Variants in ATP11B observed in about 807,000 individuals in gnomAD.
The protein encoded by ATP11B is ATPase phospholipid transporting 11B (putative), also known as phospholipid-transporting ATPase IF.
Under a neutral mutation model 157.8 loss-of-function variants are expected in ATP11B, and 81 were observed. The observed-to-expected ratio is 0.51, with a 90% CI of 0.43 to 0.62. The LOEUF (loss-of-function observed/expected upper bound fraction) is 0.62, where lower values mean the gene tolerates loss of function less well. ATP11B is among the 20% of genes least tolerant of loss of function. The pLI, the probability that ATP11B is intolerant of heterozygous loss-of-function variation, is 0.00. For missense variants in ATP11B, 1,165 were observed against 1,402.2 expected (o/e 0.83, Z 2.70); for synonymous variants, 451 against 469.4 (o/e 0.96, Z 0.51).
intron 19 of ATP11B, among the ~76,000 whole-genome samples, chr3:182,877,480 A>G (rs890880779): frequency 2.0e-5 from 3 of 152,200 alleles, no homozygotes; most frequent in Admixed American, 6.5e-5. Context: ...CGTCTCTACA[A>G]ACAATACAAA....
chr3:182,863,663 G>A (rs1274650447), intron 12 of ATP11B, among the ~76,000 whole-genome samples: 1 of 151,756 alleles, frequency 6.6e-6, no homozygotes, highest in Non-Finnish European at 1.5e-5. Flanking sequence ...TTACAGTGAT[G>A]ACCTGTTTAT....
intron 29 of ATP11B, chr3:182,915,412 T>C: frequency 1.0e-6 from 1 of 985,414 alleles, no homozygotes; most frequent in Non-Finnish European, 1.2e-6. Flanking sequence ...AATTGTATTA[T>C]AAAATGTGGC....
At chr3:182,835,352 CTG>C (rs1424750545) in intron 4 of ATP11B, among the ~76,000 whole-genome samples, 1 of 152,100 alleles carries the variant, frequency 6.6e-6, no homozygotes, top group Non-Finnish European at 1.5e-5. Flanking sequence ...TACTTATTGT[CTG>C]TAATGCTCTG....
In ATP11B at chr3:182,920,278, A is replaced by G. The variant is rs1194713763; in HGVS notation, c.*2174A>G. The stretch of plus-strand genomic sequence containing the variant: ...GAACTTTATTTTTTTAAAAAAAGTA[A>G]ATGGCAACCACTAGTGTGCTCATCC... On this transcript the variant is annotated 3_prime_UTR_variant, in exon 30 of 30. Transcript: ENST00000323116. 1.3e-5 allele frequency: 2 copies of G among 152,236 alleles called. No individual in the cohort carries two copies. The highest frequency in any genetic ancestry group is 2.4e-5 in the African/African-American group (1 of 41,458). 9.4% of individuals were successfully genotyped at this position (152,236 alleles called of 1,614,324 possible). A position where few individuals can be genotyped will look rare whatever the true frequency, so the allele number is the denominator to read the frequency against.
chr3:182,815,078 T>C (rs924132140), intron 1 of ATP11B, among the ~76,000 whole-genome samples: 1 of 152,212 alleles, frequency 6.6e-6, no homozygotes, highest in Non-Finnish European at 1.5e-5. Flanking sequence ...TTGAGAATTT[T>C]TGAGTTATCT....
chr3:182,870,825 G>A (rs1721603926), intron 17 of ATP11B, among the ~76,000 whole-genome samples: 1 of 151,816 alleles, frequency 6.6e-6, no homozygotes, highest in Non-Finnish European at 1.5e-5. Flanking sequence ...CTACTCGGGA[G>A]GCTGAGGCAG....
In ATP11B at chr3:182,841,709, T is replaced by A. The variant is rs146812967; in HGVS notation, c.657-366T>A. On this transcript the variant is annotated intron_variant, in intron 7 of 29. Coordinates refer to ENST00000323116, the MANE Select transcript of ATP11B (RefSeq NM_014616.3). ...TAAGAATGGTGCAGGCCGGGTGCAGTGGCTCACACCTGTAATCCCAACACT... is the reference window on the plus strand; with the variant it reads ...TAAGAATGGTGCAGGCCGGGTGCAGAGGCTCACACCTGTAATCCCAACACT... 9.0e-3 allele frequency among the ~76,000 whole-genome samples: 1,367 copies of A among 152,080 alleles called. 24 individuals are homozygous for A. Among genetic ancestry groups the A allele is most frequent in the African/African-American group, 0.031 (1,297 of 41,372 alleles).
intron 28 of ATP11B, among the ~76,000 whole-genome samples, chr3:182,905,492 G>A (rs188259988): frequency 6.6e-6 from 1 of 152,286 alleles, no homozygotes; most frequent in Admixed American, 6.5e-5. Flanking sequence ...CTAAATCTTG[G>A]TGGCAAATGA....
chr3:182,867,380 G>A lies in ATP11B; in HGVS notation c.1624G>A (p.Gly542Ser), dbSNP rs905398824. The A allele has an allele frequency of 6.3e-7, 1 of 1,599,306 alleles. No homozygotes were observed. The highest frequency in any genetic ancestry group is 8.6e-7 in the Non-Finnish European group (1 of 1,167,106). Residue 542 changes from glycine (G) to serine (S), a missense_variant, in exon 15 of 30, where the codon GGT (glycine) becomes AGT (serine). This residue lies in a region of ATP11B where 737 missense variants were observed against 930.5 expected (regional missense o/e 0.79). Coordinates refer to ENST00000323116, the MANE Select transcript of ATP11B (RefSeq NM_014616.3). ...KALVEAAARI[G>S]IVFIGNSEET... is the part of the protein sequence containing the mutation. ...TTTTATCCTTTTGATGTCTAGGATT[G>A]GTATTGTGTTTATTGGCAATTCTGA...
chr3:182,813,540 T>G (rs1716792356), intron 1 of ATP11B, among the ~76,000 whole-genome samples: 2 of 152,164 alleles, frequency 1.3e-5, no homozygotes, highest in South Asian at 4.1e-4. Context: ...ACTGTAAAAC[T>G]GTAATAAATA....
In ATP11B at chr3:182,836,412, G is replaced by A. The variant is rs750527610; in HGVS notation, c.494G>A (p.Arg165Gln). ...PADLVLLSSD[R>Q]LDGSCHVTTA... The stretch of plus-strand genomic sequence containing the variant: ...GACTTGGTGCTTCTGTCCTCAGATC[G>A]ACTGGATGGTTCCTGTCACGTTACA... The change falls in exon 6 of 30, where the codon CGA (arginine) becomes CAA (glutamine). Residue 165 changes from arginine to glutamine, a missense_variant. Arg to Gln is a conservative substitution (Grantham distance 43, BLOSUM62 1). Around this residue, in one of 4 missense-constraint regions of ATP11B, gnomAD observed 737 missense variants for 930.5 expected, o/e 0.79. Transcript: ENST00000323116. 254 of 1,613,902 alleles carry A rather than the reference G, an allele frequency of 1.6e-4. 4 individuals carry two copies. Among genetic ancestry groups the A allele is most frequent in the South Asian group, 1.3e-3 (120 of 91,068 alleles).
chr3:182,897,251 A>T, intron 26 of ATP11B, 52 bp from the exon 27 acceptor site: 1 of 1,017,854 alleles, frequency 9.8e-7, no homozygotes, highest in South Asian at 1.7e-5. Context: ...TGAAAGGTTA[A>T]GGTAAAGCTT....
At chr3:182,850,728 T>C (rs1307126674) in intron 10 of ATP11B, among the ~76,000 whole-genome samples, 1 of 152,186 alleles carries the variant, frequency 6.6e-6, no homozygotes, top group Non-Finnish European at 1.5e-5. Context: ...ACAATCCCAC[T>C]ACTGGGTTTT....
intron 28 of ATP11B, among the ~76,000 whole-genome samples, chr3:182,902,894 C>T (rs899900590): frequency 2.3e-4 from 35 of 152,028 alleles, no homozygotes; most frequent in African/African-American, 8.5e-4. Context: ...TTTATGAATG[C>T]TCCTGCATGT....
intron 1 of ATP11B, among the ~76,000 whole-genome samples, chr3:182,794,378 T>C (rs1007374347): frequency 2.6e-5 from 4 of 152,242 alleles, no homozygotes; most frequent in Non-Finnish European, 4.4e-5. Context: ...GGGGAAAGAC[T>C]GTGCCAGCTG....
In ATP11B at chr3:182,869,303, C is replaced by G; in HGVS notation, c.1838C>G (p.Thr613Ser). The change falls in exon 17 of 30, where the codon ACC (threonine) becomes AGC (serine). Residue 613 changes from threonine (T) to serine (S), a missense_variant. By Grantham distance (58) the Thr-to-Ser change is moderately conservative. This residue lies in a region of ATP11B where 737 missense variants were observed against 930.5 expected (regional missense o/e 0.79). Transcript: ENST00000323116. ...TGTATAGGTGGAGAAATAGAAAAAA[C>G]CAGAATTCATGTAGATGAATTTGCT... ...PKCIGGEIEKTRIHVDEFALK... is the reference protein window; with the variant it reads ...PKCIGGEIEKSRIHVDEFALK... 1.2e-6 allele frequency: 2 copies of G among 1,606,338 alleles called. No individual in the cohort carries two copies. The highest frequency in any genetic ancestry group is 1.7e-6 in the Non-Finnish European group (2 of 1,176,628).
At chr3:182,878,962 A>G (rs1722236935) in intron 19 of ATP11B, among the ~76,000 whole-genome samples, 2 of 152,170 alleles carry the variant, frequency 1.3e-5, no homozygotes, top group Admixed American at 6.5e-5. Context: ...CTGTATCTAT[A>G]TATCAGTTCA....
intron 9 of ATP11B, among the ~76,000 whole-genome samples, chr3:182,847,031 A>G (rs139595009): frequency 6.6e-6 from 1 of 151,898 alleles, no homozygotes; most frequent in Non-Finnish European, 1.5e-5. Flanking sequence ...ATCCTCTAAT[A>G]TAACACTGTA....
chr3:182,864,141 T>G (rs535173241), intron 12 of ATP11B, among the ~76,000 whole-genome samples: 1 of 152,170 alleles, frequency 6.6e-6, no homozygotes, highest in Admixed American at 6.6e-5. Flanking sequence ...GCTGAACTTA[T>G]ATATTCTATT....
Sources: gnomAD v4.1 joint callset for allele counts (sites outside exome capture counted in the v4.1 genomes callset) on GRCh38, gnomAD v4.1.1 for gene constraint, gnomAD v4.1.1 regional missense constraint, MANE v1.5 for transcripts, NCBI Gene and HGNC (gene_info 2026-07-23, HGNC 2026-07-21) for gene names.